The following TLN2 variants were observed in gnomAD, a reference collection of about 807,000 sequenced individuals.
TLN2 encodes the protein talin 2.
In TLN2, 118 loss-of-function variants were observed where a neutral mutation model predicts 294.7. That is an observed-to-expected ratio of 0.40 (90% CI 0.34 to 0.47). The LOEUF is 0.47. TLN2 is among the 20% of genes least tolerant of loss of function. The pLI is 0.84. For missense variants in TLN2, 3,083 were observed against 3,282.2 expected (o/e 0.94, Z 1.48); for synonymous variants, 1,431 against 1,304.5 (o/e 1.10, Z -2.09).
chr15:62,537,118 A>G (rs531818636), intron 1 of TLN2, among the ~76,000 whole-genome samples: 1 of 151,572 alleles, frequency 6.6e-6, no homozygotes, highest in Non-Finnish European at 1.5e-5. Context: ...TCCTGGGTTC[A>G]TGCCATTCCC....
At chr15:62,643,974 A>G (rs1392161955) in intron 3 of TLN2, among the ~76,000 whole-genome samples, 1 of 152,146 alleles carries the variant, frequency 6.6e-6, no homozygotes, top group Non-Finnish European at 1.5e-5. Context: ...TATGGAGTTT[A>G]CAGCAACCAT....
intron 32 of TLN2, among the ~76,000 whole-genome samples, chr15:62,742,022 GGGGTGT>G (rs1325199212): frequency 0.014 from 1,372 of 100,184 alleles, 43 homozygotes; most frequent in East Asian, 0.028. Context: ...GGCTTGTAGT[GGGGTGT>G]GTGTGTGTGT....
intron 11 of TLN2, among the ~76,000 whole-genome samples, chr15:62,676,107 G>T (rs1473467228): frequency 6.6e-6 from 1 of 152,136 alleles, no homozygotes; most frequent in Non-Finnish European, 1.5e-5. Context: ...GCTGCATCCA[G>T]GGACTGAAGT....
At chr15:62,416,175 T>G (rs749163110) in intron 1 of TLN2, among the ~76,000 whole-genome samples, 4 of 152,158 alleles carry the variant, frequency 2.6e-5, no homozygotes, top group Non-Finnish European at 5.9e-5. Flanking sequence ...GGCACATGCC[T>G]GTAGTCCCAG....
chr15:62,680,389 A>C (rs1314139654), intron 11 of TLN2, among the ~76,000 whole-genome samples: 4 of 152,174 alleles, frequency 2.6e-5, no homozygotes, highest in African/African-American at 9.7e-5. Flanking sequence ...ATATGTACAC[A>C]ATCATTTTAA....
intron 55 of TLN2, chr15:62,835,519 C>T (rs1051679482): frequency 1.7e-6 from 1 of 593,440 alleles, no homozygotes. Context: ...TTTCCTGTCG[C>T]CTCTTGGTGG....
intron 52 of TLN2, among the ~76,000 whole-genome samples, chr15:62,817,004 A>G (rs2067169820): frequency 6.6e-6 from 1 of 152,212 alleles, no homozygotes; most frequent in Non-Finnish European, 1.5e-5. Context: ...GAAGAATTTT[A>G]TCAGTAGCTC....
intron 1 of TLN2, among the ~76,000 whole-genome samples, chr15:62,465,916 A>T (rs1244743807): frequency 6.6e-6 from 1 of 152,108 alleles, no homozygotes; most frequent in African/African-American, 2.4e-5. Context: ...TTAGGATTGG[A>T]AGGAGTTTGT....
At chr15:62,474,696 A>T (rs571887786) in intron 1 of TLN2, among the ~76,000 whole-genome samples, 35 of 151,964 alleles carry the variant, frequency 2.3e-4, no homozygotes, top group Non-Finnish European at 4.4e-4. Context: ...TTTTAAATGG[A>T]CCCTGAGGCT....
chr15:62,758,773 A>C (rs1567542132), intron 37 of TLN2: 1 of 152,216 alleles, frequency 6.6e-6, no homozygotes, highest in Non-Finnish European at 1.5e-5. Context: ...CCTTTGTCTA[A>C]GGTCAGCAGG....
intron 1 of TLN2, among the ~76,000 whole-genome samples, chr15:62,446,173 AT>A (rs2035814498): frequency 6.6e-6 from 1 of 151,472 alleles, no homozygotes; most frequent in South Asian, 2.1e-4. Flanking sequence ...CGCCCCGCTA[AT>A]TTTTTGGTAG....
At chr15:62,633,994 C>T (rs1031337522) in intron 3 of TLN2, among the ~76,000 whole-genome samples, 7 of 152,174 alleles carry the variant, frequency 4.6e-5, no homozygotes, top group African/African-American at 1.7e-4. Context: ...GTCCAAATTT[C>T]TCCTTCTTAT....
chr15:62,549,636 C>T (rs1321043627), intron 1 of TLN2, among the ~76,000 whole-genome samples: 3 of 152,174 alleles, frequency 2.0e-5, no homozygotes, highest in Non-Finnish European at 2.9e-5. Flanking sequence ...GACAAATCTA[C>T]AATTTTGAAT....
chr15:62,639,241 A>G (rs935981502), intron 3 of TLN2, among the ~76,000 whole-genome samples: 5 of 151,432 alleles, frequency 3.3e-5, no homozygotes, highest in African/African-American at 7.3e-5. Context: ...ATCTATATCT[A>G]TATCTATATC....
intron 45 of TLN2, among the ~76,000 whole-genome samples, chr15:62,787,779 G>A (rs2064796952): frequency 1.5e-5 from 2 of 130,852 alleles, no homozygotes; most frequent in South Asian, 2.6e-4. Context: ...TGCAACCTCC[G>A]CCACCGGGTT....
intron 1 of TLN2, among the ~76,000 whole-genome samples, chr15:62,480,923 C>G (rs1479621777): frequency 1.3e-5 from 2 of 152,212 alleles, no homozygotes; most frequent in African/African-American, 4.8e-5. Flanking sequence ...TCAATCTCCC[C>G]TCATTCGAAA....
chr15:62,684,255 G>C (rs1428541586), intron 11 of TLN2, among the ~76,000 whole-genome samples: 1 of 152,206 alleles, frequency 6.6e-6, no homozygotes, highest in Non-Finnish European at 1.5e-5. Context: ...AGATGGGAAA[G>C]AATGAAGGAA....
chr15:62,437,129 T>G (rs540772741), intron 1 of TLN2, among the ~76,000 whole-genome samples: 1 of 152,356 alleles, frequency 6.6e-6, no homozygotes, highest in East Asian at 1.9e-4. Context: ...CTTTCTTTCA[T>G]TTGCACAGTT....
chr15:62,509,497 A>C (rs562626229), intron 1 of TLN2, among the ~76,000 whole-genome samples: 2 of 152,336 alleles, frequency 1.3e-5, no homozygotes, highest in East Asian at 3.9e-4. Context: ...CTTCTAGCAG[A>C]ATCTAGATTC....
Sources: allele counts gnomAD v4.1 joint callset (sites outside exome capture counted in the v4.1 genomes callset), GRCh38; gene constraint gnomAD v4.1.1; transcripts MANE v1.5; gene names NCBI Gene and HGNC (gene_info 2026-07-23, HGNC 2026-07-21).